Variants in WWOX observed in about 807,000 individuals in gnomAD.
The protein encoded by WWOX is WW domain-containing oxidoreductase.
WWOX carries 69 observed loss-of-function variants against 46.2 expected under a neutral mutation model. That is an observed-to-expected ratio of 1.49 (90% CI 1.23 to 1.82). The LOEUF (loss-of-function observed/expected upper bound fraction) is 1.82. WWOX is among the 40% of genes most tolerant of loss of function. The pLI, the probability that WWOX is intolerant of heterozygous loss-of-function variation, is 0.00. For missense variants in WWOX, 919 were observed against 542.6 expected (o/e 1.69, Z -6.89); for synonymous variants, 359 against 202.6 (o/e 1.77, Z -6.56).
At chr16:78,664,782 A>G (rs968447752) in intron 8 of WWOX, among the ~76,000 whole-genome samples, 6 of 152,162 alleles carry the variant, frequency 3.9e-5, no homozygotes, top group Admixed American at 2.6e-4. Flanking sequence ...CTTAATTATT[A>G]ACAGTTAAAA....
chr16:79,083,614 G>A (rs2048801684), intron 8 of WWOX, among the ~76,000 whole-genome samples: 1 of 152,156 alleles, frequency 6.6e-6, no homozygotes, highest in Non-Finnish European at 1.5e-5. Context: ...TGCATTACAG[G>A]CTCTAATGCA....
chr16:78,267,319 G>T (rs1459732191), intron 5 of WWOX, among the ~76,000 whole-genome samples: 1 of 152,220 alleles, frequency 6.6e-6, no homozygotes, highest in East Asian at 1.9e-4. Context: ...AGTGCTTAAT[G>T]TGGTCACACG....
chr16:78,795,773 C>T (rs1486443951), intron 8 of WWOX, among the ~76,000 whole-genome samples: 2 of 152,226 alleles, frequency 1.3e-5, no homozygotes, highest in Non-Finnish European at 1.5e-5. Flanking sequence ...ACAATACTGA[C>T]ATCTAGCTAA....
intron 8 of WWOX, among the ~76,000 whole-genome samples, chr16:79,150,132 T>C (rs1210162272): frequency 6.6e-6 from 1 of 152,200 alleles, no homozygotes; most frequent in East Asian, 1.9e-4. Context: ...TTCACCAAGC[T>C]TAGCTCTGCT....
intron 8 of WWOX, among the ~76,000 whole-genome samples, chr16:78,487,894 T>A (rs1000756105): frequency 1.3e-5 from 2 of 152,124 alleles, no homozygotes; most frequent in African/African-American, 4.8e-5. Flanking sequence ...TGTCACCAAA[T>A]TAATGTCCGC....
intron 8 of WWOX, among the ~76,000 whole-genome samples, chr16:78,858,655 A>G (rs563270578): frequency 2.0e-5 from 3 of 151,980 alleles, no homozygotes; most frequent in East Asian, 1.9e-4. Flanking sequence ...TTTACCTGTC[A>G]TGTTTGAATT....
chr16:78,779,812 C>T (rs777753140), intron 8 of WWOX, among the ~76,000 whole-genome samples: 1 of 152,114 alleles, frequency 6.6e-6, no homozygotes, highest in Non-Finnish European at 1.5e-5. Flanking sequence ...TCTGTACCCT[C>T]TCTGGCCCCA....
At chr16:79,209,560 C>T (rs2051643873) in intron 8 of WWOX, among the ~76,000 whole-genome samples, 1 of 152,178 alleles carries the variant, frequency 6.6e-6, no homozygotes, top group Non-Finnish European at 1.5e-5. Flanking sequence ...TCTCCCACCA[C>T]TCGGGAGTTA....
intron 8 of WWOX, among the ~76,000 whole-genome samples, chr16:79,109,620 C>T (rs182930833): frequency 6.5e-4 from 99 of 152,258 alleles, no homozygotes; most frequent in Middle Eastern, 6.8e-3. Context: ...TTTATTTCCA[C>T]CAATGGAGAA....
At chr16:78,712,606 C>G (rs960652257) in intron 8 of WWOX, among the ~76,000 whole-genome samples, 9 of 151,900 alleles carry the variant, frequency 5.9e-5, no homozygotes, top group African/African-American at 2.2e-4. Flanking sequence ...AACCTGCTCT[C>G]AAAGACATTT....
intron 8 of WWOX, among the ~76,000 whole-genome samples, chr16:78,941,660 T>C (rs1215640889): frequency 6.6e-6 from 1 of 152,154 alleles, no homozygotes; most frequent in East Asian, 1.9e-4. Flanking sequence ...ATTCCTGCAG[T>C]ACATTGTATT....
chr16:78,497,536 A>G (rs999578697), intron 8 of WWOX, among the ~76,000 whole-genome samples: 3 of 64,582 alleles, frequency 4.6e-5, no homozygotes, highest in African/African-American at 9.2e-5. Context: ...AGCATCCTAC[A>G]GAAAGAGAAT....
intron 5 of WWOX, among the ~76,000 whole-genome samples, chr16:78,185,344 C>T (rs1293427817): frequency 2.6e-5 from 4 of 152,146 alleles, no homozygotes; most frequent in African/African-American, 4.8e-5. Context: ...CCTCTGTAAC[C>T]GCACTGTTTA....
chr16:78,922,593 G>C (rs948334440), intron 8 of WWOX, among the ~76,000 whole-genome samples: 3 of 152,132 alleles, frequency 2.0e-5, no homozygotes, highest in Admixed American at 2.0e-4. Flanking sequence ...TGCCCAGGCT[G>C]CTCTCGAGCT....
At chr16:78,749,258 C>CA (rs1181054307) in intron 8 of WWOX, among the ~76,000 whole-genome samples, 12 of 152,088 alleles carry the variant, frequency 7.9e-5, no homozygotes, top group Non-Finnish European at 1.3e-4. Flanking sequence ...CTGCATTTTA[C>CA]AAATGAGGAA....
At chr16:78,179,297 C>T (rs1368470029) in intron 5 of WWOX, among the ~76,000 whole-genome samples, 1 of 152,134 alleles carries the variant, frequency 6.6e-6, no homozygotes, top group Non-Finnish European at 1.5e-5. Flanking sequence ...TTAGTAAAGT[C>T]ATTTGTCCTT....
intron 8 of WWOX, among the ~76,000 whole-genome samples, chr16:78,735,424 C>G (rs1402885962): frequency 6.6e-6 from 1 of 151,436 alleles, no homozygotes; most frequent in Non-Finnish European, 1.5e-5. Flanking sequence ...CACACACACA[C>G]ACTAATATGG....
intron 8 of WWOX, among the ~76,000 whole-genome samples, chr16:78,547,998 T>A (rs1375339738): frequency 1.3e-5 from 2 of 151,508 alleles, no homozygotes; most frequent in Non-Finnish European, 2.9e-5. Context: ...CTAAAAACAT[T>A]TTAAAAATTA....
chr16:78,110,339 C>CAAAA (rs34862048), intron 3 of WWOX, among the ~76,000 whole-genome samples: 33 of 85,624 alleles, frequency 3.9e-4, no homozygotes, highest in Non-Finnish European at 4.4e-4. Flanking sequence ...GACTCCTTCT[C>CAAAA]AAAAAAAAAA....
Sources: gnomAD v4.1 joint callset for allele counts (sites outside exome capture counted in the v4.1 genomes callset) on GRCh38, gnomAD v4.1.1 for gene constraint, MANE v1.5 for transcripts, NCBI Gene and HGNC (gene_info 2026-07-23, HGNC 2026-07-21) for gene names.